Variants in HDAC9 observed in about 807,000 individuals in gnomAD.
HDAC9 encodes the protein histone deacetylase 9, also known as MEF-2 interacting transcription repressor (MITR) protein.
In HDAC9, 41 loss-of-function variants were observed where a neutral mutation model predicts 139.4. The observed-to-expected ratio is 0.29, with a 90% confidence interval of 0.23 to 0.38. HDAC9 has a LOEUF of 0.38. HDAC9 is among the 10% of genes least tolerant of loss of function. The pLI is 1.00. For missense variants in HDAC9, 1,147 were observed against 1,297.0 expected, an observed-to-expected ratio of 0.88 and a Z score of 1.78; for synonymous variants, 517 against 476.2, an observed-to-expected ratio of 1.09 and a Z score of -1.12.
chr7:18,795,519 A>C (rs1792723830), intron 17 of HDAC9, among the ~76,000 whole-genome samples: 1 of 152,230 alleles, frequency 6.6e-6, no homozygotes, highest in Non-Finnish European at 1.5e-5. Flanking sequence ...AGCGGTAGAT[A>C]TTCTGAAATT....
chr7:18,915,616 G>A (rs926463433), intron 22 of HDAC9, among the ~76,000 whole-genome samples: 1 of 147,608 alleles, frequency 6.8e-6, no homozygotes, highest in Non-Finnish European at 1.5e-5. Flanking sequence ...TTATGTTGCA[G>A]CTTAATTTCT....
At chr7:18,437,636 C>T (rs111931423) in intron 1 of HDAC9, among the ~76,000 whole-genome samples, 4,716 of 151,196 alleles carry the variant, frequency 0.031, 86 homozygotes, top group African/African-American at 0.056. Context: ...AGTACACGCA[C>T]ACATTGTTTG....
chr7:18,198,428 G>A (rs1790874290), intron 2 of HDAC9, among the ~76,000 whole-genome samples: 1 of 152,100 alleles, frequency 6.6e-6, no homozygotes, highest in African/African-American at 2.4e-5. Flanking sequence ...TCTTAGAGTT[G>A]ATTATGTAAT....
At chr7:18,910,649 A>T (rs1305899050) in intron 22 of HDAC9, among the ~76,000 whole-genome samples, 2 of 151,882 alleles carry the variant, frequency 1.3e-5, no homozygotes, top group Non-Finnish European at 2.9e-5. Flanking sequence ...TTCAGCATTC[A>T]GTATAGTATT....
chr7:18,155,690 G>C (rs746914762), intron 1 of HDAC9, among the ~76,000 whole-genome samples: 4 of 152,164 alleles, frequency 2.6e-5, no homozygotes, highest in Non-Finnish European at 5.9e-5. Context: ...CACAGAGACT[G>C]TGTGTTAGAT....
At chr7:18,752,185 T>C (rs1247560879) in intron 14 of HDAC9, among the ~76,000 whole-genome samples, 1 of 152,102 alleles carries the variant, frequency 6.6e-6, no homozygotes, top group Non-Finnish European at 1.5e-5. Flanking sequence ...GTCTTAAGAA[T>C]CAGAGTTGTT....
intron 2 of HDAC9, among the ~76,000 whole-genome samples, chr7:18,177,089 C>G (rs906514279): frequency 1.3e-5 from 2 of 152,200 alleles, no homozygotes; most frequent in Non-Finnish European, 2.9e-5. Flanking sequence ...GATAATCCGC[C>G]TACCCATCTG....
At chr7:18,748,336 G>A (rs950751551) in intron 13 of HDAC9, among the ~76,000 whole-genome samples, 16 of 152,092 alleles carry the variant, frequency 1.1e-4, no homozygotes, top group Admixed American at 2.0e-4. Context: ...ATCTCTAGTA[G>A]TGGCATTGTA....
At chr7:18,550,961 A>G (rs1816925781) in intron 2 of HDAC9, among the ~76,000 whole-genome samples, 1 of 152,224 alleles carries the variant, frequency 6.6e-6, no homozygotes, top group African/African-American at 2.4e-5. Flanking sequence ...TGAGAAAGAC[A>G]TTGGCTTATT....
intron 1 of HDAC9, among the ~76,000 whole-genome samples, chr7:18,404,969 G>A (rs558151590): frequency 5.7e-4 from 87 of 152,320 alleles, no homozygotes; most frequent in African/African-American, 2.0e-3. Flanking sequence ...ATTGCAGGGT[G>A]CACTCACACA....
At chr7:18,153,778 T>G (rs1325589511) in intron 1 of HDAC9, among the ~76,000 whole-genome samples, 1 of 152,150 alleles carries the variant, frequency 6.6e-6, no homozygotes, top group Non-Finnish European at 1.5e-5. Flanking sequence ...GGGTCTTGGC[T>G]GGGGAGGGTG....
intron 16 of HDAC9, among the ~76,000 whole-genome samples, chr7:18,790,078 T>G (rs1792168555): frequency 6.6e-6 from 1 of 152,188 alleles, no homozygotes; most frequent in Non-Finnish European, 1.5e-5. Flanking sequence ...TATCCTGTTT[T>G]ATCATTGAAG....
In HDAC9 at chr7:18,223,232, G is replaced by A. The variant is rs564248288; in HGVS notation, c.25+60883G>A. Reference sequence around the variant, plus strand: ...GAGCTTTTAATATAGCCTTTGATACGTATGTTGTAAATATTTACATACGTC... The same window carrying A: ...GAGCTTTTAATATAGCCTTTGATACATATGTTGTAAATATTTACATACGTC... On this transcript the variant is annotated intron_variant, in intron 2 of 12. Transcript: ENST00000417496. Among the ~76,000 whole-genome samples the A allele has an allele frequency of 1.1e-4, 16 of 152,010 alleles. 1 individual carries two copies. The highest frequency in any genetic ancestry group is 9.6e-4 in the East Asian group (5 of 5,186).
At chr7:18,554,596 A>G (rs975816174) in intron 2 of HDAC9, among the ~76,000 whole-genome samples, 1 of 152,082 alleles carries the variant, frequency 6.6e-6, no homozygotes, top group Non-Finnish European at 1.5e-5. Flanking sequence ...CGGCCTCCCA[A>G]AGTGCTGGGA....
chr7:18,096,706 A>C (rs1782525224), intron 1 of HDAC9, among the ~76,000 whole-genome samples: 1 of 152,222 alleles, frequency 6.6e-6, no homozygotes, highest in African/African-American at 2.4e-5. Flanking sequence ...GTTGGTGACC[A>C]AAAAGTGTTT....
At chr7:18,843,709 C>T (rs904552191) in intron 21 of HDAC9, among the ~76,000 whole-genome samples, 6 of 151,776 alleles carry the variant, frequency 4.0e-5, no homozygotes, top group African/African-American at 9.7e-5. Flanking sequence ...TATGATTTTA[C>T]ATCTAAAGTT....
chr7:18,673,996 G>T (rs927491398), intron 12 of HDAC9, among the ~76,000 whole-genome samples: 1 of 152,020 alleles, frequency 6.6e-6, no homozygotes, highest in Non-Finnish European at 1.5e-5. Context: ...TGCATAATGT[G>T]TGCTGGTTTT....
intron 2 of HDAC9, among the ~76,000 whole-genome samples, chr7:18,541,393 A>G (rs1242144901): frequency 1.3e-5 from 2 of 151,996 alleles, no homozygotes; most frequent in East Asian, 3.9e-4. Flanking sequence ...TGAATCACCA[A>G]CTATGCCTTG....
chr7:18,230,113 A>C (rs558051573), intron 2 of HDAC9, among the ~76,000 whole-genome samples: 1 of 152,310 alleles, frequency 6.6e-6, no homozygotes, highest in South Asian at 2.1e-4. Context: ...GATTATTTTT[A>C]ATACTGAGAA....
Sources: allele counts gnomAD v4.1 joint callset (sites outside exome capture counted in the v4.1 genomes callset), GRCh38; gene constraint gnomAD v4.1.1; transcripts MANE v1.5; gene names NCBI Gene and HGNC (gene_info 2026-07-23, HGNC 2026-07-21).